The following HSD17B11 variants were observed in gnomAD, a reference collection of about 807,000 sequenced individuals.
The protein encoded by HSD17B11 is hydroxysteroid 17-beta dehydrogenase 11.
Under a neutral mutation model 27.8 loss-of-function variants are expected in HSD17B11, and 22 were observed. That is an observed-to-expected ratio of 0.79 (90% CI 0.56 to 1.13). The LOEUF (loss-of-function observed/expected upper bound fraction) is 1.13, where lower values mean the gene tolerates loss of function less well. Ranked by LOEUF, HSD17B11 falls within the 50% of genes most tolerant of loss-of-function variation. The pLI is 0.00. For missense variants in HSD17B11, 314 were observed against 351.1 expected (o/e 0.89, Z 0.84); for synonymous variants, 117 against 132.8 (o/e 0.88, Z 0.82).
Position 87,374,717 on chromosome 4 carries a change from A to G in HSD17B11, c.432T>C (p.Asn144=). The change falls in exon 3 of 7, where the codon AAT becomes AAC. Residue 144 remains asparagine, a synonymous_variant. Coordinates refer to ENST00000358290, the MANE Select transcript of HSD17B11 (RefSeq NM_016245.5). ...DPQIEKTFEV[N]VLAHFWTTKA... ...TACTCACCCAGAAATGTGCAAGTAC[A>G]TTAACTTCAAAAGTCTTTTCAATCT... is the stretch of plus-strand genomic sequence containing the variant. The G allele has an allele frequency of 6.2e-7, 1 of 1,605,584 alleles. No individual in the cohort carries two copies. Among genetic ancestry groups the G allele is most frequent in the Non-Finnish European group, 8.5e-7 (1 of 1,178,088 alleles).
At chr4:87,361,028 G>A (rs1469259524) in intron 4 of HSD17B11, among the ~76,000 whole-genome samples, 1 of 152,174 alleles carries the variant, frequency 6.6e-6, no homozygotes, top group Non-Finnish European at 1.5e-5. Flanking sequence ...TCAGAGGCAT[G>A]TAAACCACAG....
At chr4:87,339,201 A>C (rs1342491841) in intron 6 of HSD17B11, among the ~76,000 whole-genome samples, 1 of 152,238 alleles carries the variant, frequency 6.6e-6, no homozygotes, top group Non-Finnish European at 1.5e-5. Flanking sequence ...CTTACGTAAC[A>C]TGACAAGTAC....
rs1560769654 is a variant in HSD17B11, at chr4:87,378,946, ATTTATATATATATATTTTT to A, written c.318+3290_318+3308del. Among the ~76,000 whole-genome samples the A allele has an allele frequency of 3.3e-3, 78 of 23,384 alleles. 3 individuals are homozygous for A. The highest frequency in any genetic ancestry group is 0.014 in the South Asian group (14 of 988). 15.3% of individuals were successfully genotyped at this position (23,384 alleles called of 152,430 possible). A position where few individuals can be genotyped will look rare whatever the true frequency, so the allele number is the denominator to read the frequency against. ...TATATATAAATATATATATATATATATTTATATATATATATTTTTTTTTTTTTTTGAGATGGTGTCTTGC... is the reference window on the plus strand; with the variant it reads ...TATATATAAATATATATATATATATATTTTTTTTTTGAGATGGTGTCTTGC... On this transcript the variant is annotated intron_variant, in intron 2 of 6. Coordinates refer to ENST00000358290, the MANE Select transcript of HSD17B11 (RefSeq NM_016245.5).
intron 1 of HSD17B11, among the ~76,000 whole-genome samples, chr4:87,390,115 A>G (rs1720419986): frequency 6.6e-6 from 1 of 152,118 alleles, no homozygotes. Context: ...TACTCTTGGC[A>G]ATAACTATGG....
At chr4:87,377,976 T>C (rs1362597313) in intron 2 of HSD17B11, among the ~76,000 whole-genome samples, 2 of 152,190 alleles carry the variant, frequency 1.3e-5, no homozygotes, top group Non-Finnish European at 2.9e-5. Context: ...TTGAGTTTCA[T>C]ACCCAAGGTC....
chr4:87,372,151 G>A (rs1013396011), intron 4 of HSD17B11, among the ~76,000 whole-genome samples: 2 of 151,110 alleles, frequency 1.3e-5, no homozygotes, highest in African/African-American at 4.9e-5. Flanking sequence ...ACTGAGGCAG[G>A]AGAATGGCGT....
chr4:87,383,746 C>CT (rs397946047), intron 1 of HSD17B11, among the ~76,000 whole-genome samples: 21,099 of 111,550 alleles, frequency 0.19, 2,578 homozygotes, highest in African/African-American at 0.38. Context: ...CAATTTTTGC[C>CT]TTTTTTTTTT....
At chr4:87,355,524 G>GA (rs150489529) in intron 5 of HSD17B11, among the ~76,000 whole-genome samples, 67 of 147,360 alleles carry the variant, frequency 4.5e-4, no homozygotes, top group Non-Finnish European at 5.7e-4. Flanking sequence ...AACAACTGGG[G>GA]AAAAAAAAAA....
At chr4:87,364,849 ACT>A (rs1338220035) in intron 4 of HSD17B11, among the ~76,000 whole-genome samples, 7 of 152,164 alleles carry the variant, frequency 4.6e-5, no homozygotes, top group African/African-American at 1.7e-4. Flanking sequence ...CAAGGGCTCC[ACT>A]CTGAAACCTG....
chr4:87,353,392 A>C (rs1735321001), intron 5 of HSD17B11, among the ~76,000 whole-genome samples: 1 of 152,224 alleles, frequency 6.6e-6, no homozygotes, highest in Non-Finnish European at 1.5e-5. Flanking sequence ...TTGGTGTCTG[A>C]AATGTAAACA....
chr4:87,346,728 A>G (rs1272976620), intron 5 of HSD17B11, among the ~76,000 whole-genome samples: 2 of 152,072 alleles, frequency 1.3e-5, no homozygotes, highest in Non-Finnish European at 2.9e-5. Flanking sequence ...TATAACATGG[A>G]AGTACTGTTT....
chr4:87,374,472 A>C (rs1578043415), intron 3 of HSD17B11: 1 of 347,206 alleles, frequency 2.9e-6, no homozygotes, highest in East Asian at 6.5e-5. Context: ...CATATACAAC[A>C]CCTGACATTT....
Position 87,378,908 on chromosome 4 carries a change from AT to A in HSD17B11, c.318+3346del, listed in dbSNP as rs1560769408. ...TATATATATATAAATATATATAAAT[AT>A]ATATATATAAATATATATAAATATA... On this transcript the variant is annotated intron_variant, in intron 2 of 6. Transcript: ENST00000358290. Among the ~76,000 whole-genome samples the A allele has an allele frequency of 1.9e-3, 19 of 9,932 alleles. 2 individuals are homozygous for A. Among genetic ancestry groups the A allele is most frequent in the African/African-American group, 0.011 (18 of 1,596 alleles). The allele number at this position is 9,932 out of a possible 152,430, so 6.5% of individuals were successfully genotyped here. A position where few individuals can be genotyped will look rare whatever the true frequency, so the allele number is the denominator to read the frequency against.
At chr4:87,353,351 T>A (rs1161131875) in intron 5 of HSD17B11, among the ~76,000 whole-genome samples, 1 of 152,200 alleles carries the variant, frequency 6.6e-6, no homozygotes, top group Non-Finnish European at 1.5e-5. Context: ...CCAAAAGTAT[T>A]GTTGTGAGGT....
chr4:87,375,976 C>G (rs1345933334), intron 2 of HSD17B11, among the ~76,000 whole-genome samples: 1 of 152,176 alleles, frequency 6.6e-6, no homozygotes, highest in African/African-American at 2.4e-5. Flanking sequence ...GTTACTTAAC[C>G]TCTTAAAACT....
intron 5 of HSD17B11, among the ~76,000 whole-genome samples, chr4:87,342,854 T>G (rs1242930224): frequency 6.6e-6 from 1 of 152,198 alleles, no homozygotes; most frequent in African/African-American, 2.4e-5. Flanking sequence ...AATCGATGGC[T>G]TTTGGCCTAA....
intron 3 of HSD17B11, chr4:87,373,380 C>T (rs992130356): frequency 6.6e-6 from 1 of 151,618 alleles, no homozygotes. Context: ...CAGCCCTCCA[C>T]CTCTTGTTGT....
At chr4:87,356,775 G>A (rs6531978) in intron 5 of HSD17B11, among the ~76,000 whole-genome samples, 63,027 of 151,934 alleles carry the variant, frequency 0.41, 13,394 homozygotes, top group Non-Finnish European at 0.45. Flanking sequence ...AGTATGATCT[G>A]GTACTCCTTT....
Position 87,347,108 on chromosome 4 carries a change from T to TAACAGCAAATCAGCAATAAGCA in HSD17B11, c.696-6503_696-6502insTGCTTATTGCTGATTTGCTGTT, listed in dbSNP as rs1373402504. On this transcript the variant is annotated intron_variant, in intron 5 of 6. Transcript: ENST00000358290. ...GGTTGTTTTTAGTATTCTGGATTTT[T>TAACAGCAAATCAGCAATAAGCA]TTTTTTTCTTTTTTTTTTTTTTTTT... Among the ~76,000 whole-genome samples, 99 of 89,028 alleles carry TAACAGCAAATCAGCAATAAGCA rather than the reference T, an allele frequency of 1.1e-3. 6 individuals are homozygous for TAACAGCAAATCAGCAATAAGCA. Among genetic ancestry groups the TAACAGCAAATCAGCAATAAGCA allele is most frequent in the African/African-American group, 3.2e-3 (48 of 15,104 alleles). The allele number at this position is 89,028 out of a possible 152,430, so 58.4% of individuals were successfully genotyped here. A position where few individuals can be genotyped will look rare whatever the true frequency, so the allele number is the denominator to read the frequency against.
Sources: allele counts gnomAD v4.1 joint callset (sites outside exome capture counted in the v4.1 genomes callset), GRCh38; gene constraint gnomAD v4.1.1; transcripts MANE v1.5; gene names NCBI Gene and HGNC (gene_info 2026-07-23, HGNC 2026-07-21).